The following PTPRD variants were observed in gnomAD, a reference collection of about 807,000 sequenced individuals.
PTPRD encodes the protein receptor-type tyrosine-protein phosphatase delta.
Under a neutral mutation model 214.5 loss-of-function variants are expected in PTPRD, and 34 were observed. The observed-to-expected ratio is 0.16, with a 90% CI of 0.12 to 0.21. The LOEUF is 0.21. Ranked by LOEUF, PTPRD falls within the 10% of genes least tolerant of loss-of-function variation. The pLI is 1.00. For synonymous variants in PTPRD, 1,128 were observed against 845.7 expected (o/e 1.33, Z -5.79); for missense variants, 2,545 against 2,398.7 (o/e 1.06, Z -1.27).
chr9:9,539,894 C>T (rs1046157838), intron 8 of PTPRD, among the ~76,000 whole-genome samples: 2 of 151,766 alleles, frequency 1.3e-5, no homozygotes, highest in African/African-American at 4.8e-5. Context: ...AGCCCTTTTC[C>T]AAATGTGATA....
chr9:8,855,603 T>C (rs10759006), intron 11 of PTPRD, among the ~76,000 whole-genome samples: 84,346 of 152,022 alleles, frequency 0.55, 26,656 homozygotes, highest in East Asian at 0.77. Context: ...TACTGAGGGC[T>C]ATAAGAACAG....
intron 2 of PTPRD, among the ~76,000 whole-genome samples, chr9:10,410,284 CAAT>C (rs781116269): frequency 7.8e-6 from 1 of 127,858 alleles, no homozygotes. Flanking sequence ...CACACACACA[CAAT>C]ATATAATATA....
At chr9:9,298,490 C>T (rs918539987) in intron 9 of PTPRD, among the ~76,000 whole-genome samples, 6 of 151,602 alleles carry the variant, frequency 4.0e-5, no homozygotes, top group African/African-American at 9.7e-5. Context: ...CTGGCTTAAA[C>T]GGGACAGAAA....
At chr9:10,164,409 T>C (rs1050065281) in intron 3 of PTPRD, among the ~76,000 whole-genome samples, 1 of 151,536 alleles carries the variant, frequency 6.6e-6, no homozygotes, top group Non-Finnish European at 1.5e-5. Flanking sequence ...TTTCTCCCAT[T>C]ATACTAAGTT....
intron 3 of PTPRD, among the ~76,000 whole-genome samples, chr9:10,151,462 C>G (rs1200874993): frequency 4.6e-5 from 7 of 151,778 alleles, no homozygotes; most frequent in Non-Finnish European, 1.0e-4. Context: ...TGGGTTTTAC[C>G]ATGTTGACCA....
At chr9:10,177,491 G>A (rs2099256083) in intron 3 of PTPRD, among the ~76,000 whole-genome samples, 1 of 151,260 alleles carries the variant, frequency 6.6e-6, no homozygotes, top group African/African-American at 2.4e-5. Context: ...GTTGCATATT[G>A]GAAAGAACAC....
chr9:10,208,280 C>A lies in PTPRD; in HGVS notation c.-545+132683G>T, dbSNP rs1338619048. On this transcript the variant is annotated intron_variant, in intron 3 of 45. Transcript: ENST00000381196. Reference sequence around the variant, plus strand: ...CCGTAATCCCAGCACTTTGGGTGGCCGAGGAGGGCGGATCACGAGGTCAGG... The same window carrying A: ...CCGTAATCCCAGCACTTTGGGTGGCAGAGGAGGGCGGATCACGAGGTCAGG... Among the ~76,000 whole-genome samples the A allele has an allele frequency of 2.0e-5, 3 of 152,266 alleles. No homozygotes were observed. The East Asian group carries it at 5.8e-4, about 29-fold the overall frequency.
intron 26 of PTPRD, among the ~76,000 whole-genome samples, chr9:8,496,171 A>AACACACACACACACACACACACACAC (rs566859758): frequency 1.5e-5 from 2 of 135,024 alleles, no homozygotes; most frequent in South Asian, 4.9e-4. Flanking sequence ...CCAACTCTCC[A>AACACACACACACACACACACACACAC]ACACACACAC....
chr9:10,270,027 T>C (rs1391170027), intron 3 of PTPRD, among the ~76,000 whole-genome samples: 3 of 152,100 alleles, frequency 2.0e-5, no homozygotes, highest in Admixed American at 2.0e-4. Flanking sequence ...ACAATGGCGC[T>C]ACATAATTAG....
chr9:9,054,497 T>G (rs1022843408), intron 10 of PTPRD, among the ~76,000 whole-genome samples: 8 of 152,230 alleles, frequency 5.3e-5, no homozygotes, highest in Middle Eastern at 3.4e-3. Context: ...CATCTAGACC[T>G]TCATGACTTG....
At chr9:9,631,352 C>A (rs2095587527) in intron 7 of PTPRD, among the ~76,000 whole-genome samples, 1 of 151,868 alleles carries the variant, frequency 6.6e-6, no homozygotes, top group Admixed American at 6.6e-5. Context: ...GGAACGATTA[C>A]ATCATAGTCC....
chr9:10,454,403 C>G (rs116050390), intron 2 of PTPRD, among the ~76,000 whole-genome samples: 1,765 of 151,634 alleles, frequency 0.012, 31 homozygotes, highest in African/African-American at 0.039. Context: ...CAAATACATT[C>G]CTCAGAATAC....
chr9:8,866,877 A>T (rs2098206684), intron 11 of PTPRD, among the ~76,000 whole-genome samples: 1 of 152,180 alleles, frequency 6.6e-6, no homozygotes. Context: ...TTCTACTGAA[A>T]TTGGATAAAA....
intron 9 of PTPRD, among the ~76,000 whole-genome samples, chr9:9,192,272 G>C (rs2099935718): frequency 6.6e-6 from 1 of 152,012 alleles, no homozygotes. Context: ...GGAGAAAGCA[G>C]GAGTGCAGTT....
At chr9:9,355,243 C>A (rs2780076) in intron 9 of PTPRD, among the ~76,000 whole-genome samples, 89,883 of 151,232 alleles carry the variant, frequency 0.59, 27,160 homozygotes, top group Middle Eastern at 0.71. Context: ...AAAAGCTGGA[C>A]AAATAATTAT....
intron 5 of PTPRD, among the ~76,000 whole-genome samples, chr9:9,835,735 A>G (rs1817585258): frequency 6.6e-6 from 1 of 152,104 alleles, no homozygotes; most frequent in African/African-American, 2.4e-5. Flanking sequence ...GGTCAGAGTG[A>G]CCAGCACAGG....
intron 4 of PTPRD, among the ~76,000 whole-genome samples, chr9:9,957,617 A>C (rs1196246926): frequency 6.6e-6 from 1 of 152,038 alleles, no homozygotes; most frequent in Non-Finnish European, 1.5e-5. Flanking sequence ...AACAACAAAA[A>C]CCTGTAGGGA....
intron 3 of PTPRD, among the ~76,000 whole-genome samples, chr9:10,282,235 C>A (rs1026345404): frequency 2.6e-5 from 4 of 152,060 alleles, no homozygotes; most frequent in African/African-American, 9.7e-5. Flanking sequence ...ATAACAATAA[C>A]CTTATAGGAT....
At chr9:10,077,270 C>T (rs934881992) in intron 3 of PTPRD, among the ~76,000 whole-genome samples, 6 of 152,096 alleles carry the variant, frequency 3.9e-5, no homozygotes, top group East Asian at 1.9e-4. Flanking sequence ...CACATCTAAA[C>T]ATGTTACTTT....
Sources: allele counts gnomAD v4.1 joint callset (sites outside exome capture counted in the v4.1 genomes callset), GRCh38; gene constraint gnomAD v4.1.1; transcripts MANE v1.5; gene names NCBI Gene and HGNC (gene_info 2026-07-23, HGNC 2026-07-21).